The following ANHX variants were observed in gnomAD, a reference collection of about 807,000 sequenced individuals.
ANHX encodes the protein anomalous homeobox protein.
ANHX carries 20 observed loss-of-function variants against 38.9 expected under a neutral mutation model. The observed-to-expected ratio is 0.51, with a 90% CI of 0.36 to 0.75. The LOEUF (loss-of-function observed/expected upper bound fraction) is 0.75. Among genes scored for constraint, ANHX ranks in the 30% least tolerant of loss-of-function variants. The pLI is 0.00. For synonymous variants in ANHX, 185 were observed against 203.1 expected, an observed-to-expected ratio of 0.91 and a Z score of 0.76; for missense variants, 475 against 493.1, an observed-to-expected ratio of 0.96 and a Z score of 0.35.
rs370193365 is a variant in ANHX at position 133,232,303 on chromosome 12, C to T, written c.250-659G>A. 9.0e-4 allele frequency among the ~76,000 whole-genome samples: 137 copies of T among 152,356 alleles called. 1 individual carries two copies. The highest frequency in any genetic ancestry group is 3.1e-3 in the African/African-American group (128 of 41,572). On this transcript the variant is annotated intron_variant, in intron 2 of 9. Transcript: ENST00000545940. Reference sequence around the variant, plus strand: ...TCCCGTGACTCCTGTGTGGCTCCCACCATTTCCTTAATTCCAATCATCTGC... The same window carrying T: ...TCCCGTGACTCCTGTGTGGCTCCCATCATTTCCTTAATTCCAATCATCTGC...
chr12:133,224,605 G>A (rs1259930491), intron 7 of ANHX, among the ~76,000 whole-genome samples: 2 of 147,710 alleles, frequency 1.4e-5, no homozygotes, highest in Admixed American at 6.8e-5. Flanking sequence ...AGAGGTTGCA[G>A]TGAGCCGAGA....
rs1458284742 is a variant in ANHX, at chr12:133,218,967, T to G, written c.1370A>C (p.Gln457Pro). Residue 457 changes from glutamine to proline, a missense_variant, in exon 10 of 10, where the codon CAG becomes CCG. Gln to Pro is a moderately conservative substitution (Grantham distance 76). Transcript: ENST00000545940. ...LSQALPSSQV[Q>P]CSDSQASGDA... The stretch of plus-strand genomic sequence containing the variant: ...ACCAGAGGCCTGGCTATCAGAACAC[T>G]GCACCTGGAAGACAACACAGTGGTA... 6.5e-7 allele frequency: 1 copy of G among 1,533,838 alleles called. No individual in the cohort carries two copies. Among genetic ancestry groups the G allele is most frequent in the Admixed American group, 2.0e-5 (1 of 50,838 alleles).
rs951954944 is a variant in ANHX, at chr12:133,234,324, A to G, written c.33T>C (p.His11=). MQSFLTLLKE[H]EDTCAPPAEL... is the part of the protein sequence containing the mutation. ...CCGCCGGGGGTGCACAGGTGTCCTC[A>G]TGCTCCTTCAGCAGAGTCAGGAAGC... The change falls in exon 2 of 10, where the codon CAT becomes CAC. Residue 11 remains histidine, a synonymous_variant. Transcript: ENST00000545940. 2 of 1,535,896 alleles carry G rather than the reference A, an allele frequency of 1.3e-6. No individual in the cohort carries two copies. Among genetic ancestry groups the G allele is most frequent in the African/African-American group, 2.7e-5 (2 of 73,026 alleles).
rs183096532 is a variant in ANHX at position 133,232,246 on chromosome 12, T to G, written c.250-602A>C. Among the ~76,000 whole-genome samples the G allele has an allele frequency of 3.0e-4, 45 of 152,350 alleles. 1 individual carries two copies. Among genetic ancestry groups the G allele is most frequent in the Admixed American group, 2.9e-3 (45 of 15,304 alleles). On this transcript the variant is annotated intron_variant, in intron 2 of 9. Transcript: ENST00000545940. The stretch of plus-strand genomic sequence containing the variant: ...GTACACCCATCCACTTAACTGGACT[T>G]TGCTGATGACGGAGGATGCCTGGTG...
In ANHX at chr12:133,227,629, G is replaced by A. The variant is rs374997708; in HGVS notation, c.501+195C>T. On this transcript the variant is annotated intron_variant, in intron 4 of 9. Coordinates refer to ENST00000545940, the MANE Select transcript of ANHX (RefSeq NM_001372060.1). Reference sequence around the variant, plus strand: ...ACATACACAGATGTTATGACTCCACGTGAGAAAATGAAACCCTTTATGTGG... The same window carrying A: ...ACATACACAGATGTTATGACTCCACATGAGAAAATGAAACCCTTTATGTGG... 1.1e-4 allele frequency among the ~76,000 whole-genome samples: 16 copies of A among 152,340 alleles called. No homozygotes were observed. The East Asian group carries it at 2.1e-3, about 20-fold the overall frequency.
Position 133,231,618 on chromosome 12 carries a change from C to T in ANHX, c.276G>A (p.Gln92=), listed in dbSNP as rs1000137567. ...LEGCQVPGGS[Q]ELVQLWNDIH... ...TGTCGTTCCAGAGCTGCACTAACTC[C>T]TGGCTGCCTCCCGGCACCTGGCACC... Residue 92 remains glutamine, a synonymous_variant, in exon 3 of 10, where the codon CAG becomes CAA. Coordinates refer to ENST00000545940, the MANE Select transcript of ANHX (RefSeq NM_001372060.1). 6 of 1,536,098 alleles carry T rather than the reference C, an allele frequency of 3.9e-6. No individual in the cohort carries two copies. In the African/African-American group the frequency reaches 6.8e-5, roughly 17 times the overall value.
At chr12:133,230,951 A>G (rs138421063) in intron 3 of ANHX, among the ~76,000 whole-genome samples, 1 of 152,294 alleles carries the variant, frequency 6.6e-6, no homozygotes, top group East Asian at 1.9e-4. Flanking sequence ...GATGATAAGG[A>G]CTACCACTTA....
intron 7 of ANHX, among the ~76,000 whole-genome samples, chr12:133,224,395 C>T (rs1231337985): frequency 1.3e-5 from 2 of 152,204 alleles, no homozygotes; most frequent in African/African-American, 4.8e-5. Context: ...GGCATGGTGG[C>T]TCACGCCTGT....
At chr12:133,234,490 CA>C in intron 1 of ANHX, 112 bp from the exon 2 acceptor site, 2 of 1,251,312 alleles carry the variant, frequency 1.6e-6, no homozygotes, top group Non-Finnish European at 2.2e-6. Context: ...GTGCCGTGGA[CA>C]CTTGTAGAGT....
chr12:133,219,519 G>T (rs1957079934), intron 8 of ANHX, among the ~76,000 whole-genome samples, 152 bp from the exon 9 acceptor site: 1 of 152,350 alleles, frequency 6.6e-6, no homozygotes, highest in Admixed American at 6.5e-5. Context: ...TGTCACGTAT[G>T]TAGGGTGTTA....
chr12:133,219,159 G>T, intron 9 of ANHX, 124 bp downstream of exon 9: 2 of 1,056,200 alleles, frequency 1.9e-6, no homozygotes, highest in Non-Finnish European at 2.8e-6. Context: ...AATCATCTTT[G>T]CCCCTTGTTT....
chr12:133,227,113 C>G lies in ANHX; in HGVS notation c.541G>C (p.Val181Leu), dbSNP rs775987624. 5.9e-6 allele frequency: 9 copies of G among 1,535,994 alleles called. No homozygotes were observed. Among genetic ancestry groups the G allele is most frequent in the Non-Finnish European group, 7.8e-6 (9 of 1,146,804 alleles). ...CGGTAATTGGCAAACCAGTTGTACA[C>G]CTGCTCAGGGGTCAAGCTCGTCTCC... ...ALETSLTPEQ[V>L]YNWFANYRRR... The change falls in exon 5 of 10, where the codon GTG becomes CTG. Residue 181 changes from valine to leucine, a missense_variant. By Grantham distance (32) the Val-to-Leu change is conservative. Coordinates refer to ENST00000545940, the MANE Select transcript of ANHX (RefSeq NM_001372060.1).
At chr12:133,224,666 A>C (rs1176317208) in intron 7 of ANHX, among the ~76,000 whole-genome samples, 934 of 31,832 alleles carry the variant, frequency 0.029, 9 homozygotes, top group Middle Eastern at 0.14. Context: ...CCATCTCAAA[A>C]AAAAAAAAAA....
intron 3 of ANHX, among the ~76,000 whole-genome samples, chr12:133,229,656 A>G (rs1289225085): frequency 6.6e-6 from 1 of 152,098 alleles, no homozygotes; most frequent in Non-Finnish European, 1.5e-5. Context: ...TAGAAACTCC[A>G]GCATCTACTC....
chr12:133,232,949 C>A (rs1377596257), intron 2 of ANHX, among the ~76,000 whole-genome samples: 1 of 150,826 alleles, frequency 6.6e-6, no homozygotes, highest in East Asian at 1.9e-4. Context: ...CAAACAGAGG[C>A]AGGGACAGAA....
intron 2 of ANHX, among the ~76,000 whole-genome samples, chr12:133,232,579 C>G (rs1323315853): frequency 6.6e-6 from 1 of 152,182 alleles, no homozygotes. Context: ...CCTGCACAGG[C>G]TGGGGTTGCC....
In ANHX at chr12:133,226,340, C is replaced by G; in HGVS notation, c.817G>C (p.Val273Leu). 6.5e-7 allele frequency: 1 copy of G among 1,536,258 alleles called. No homozygotes were observed. The highest frequency in any genetic ancestry group is 8.7e-7 in the Non-Finnish European group (1 of 1,146,914). Residue 273 changes from valine (V) to leucine (L), a missense_variant, in exon 6 of 10, where the codon GTC becomes CTC. Coordinates refer to ENST00000545940, the MANE Select transcript of ANHX (RefSeq NM_001372060.1). ...LAPDFPADET[V>L]SKPLDVRSLP... is the part of the protein sequence containing the mutation. The stretch of plus-strand genomic sequence containing the variant: ...TACCTGACATCCAGTGGCTTTGAGA[C>G]TGTCTCATCTGCGGGAAAGTCCGGG...
At chr12:133,228,052 C>T (rs1046188773) in intron 3 of ANHX, 105 bp from the exon 4 acceptor site, 2 of 1,362,442 alleles carry the variant, frequency 1.5e-6, no homozygotes, top group African/African-American at 2.9e-5. Flanking sequence ...TTCCCTGTGC[C>T]TCCTCCTGGG....
chr12:133,231,470 C>T, intron 3 of ANHX, 47 bp downstream of exon 3: 6 of 1,534,582 alleles, frequency 3.9e-6, no homozygotes, highest in Non-Finnish European at 5.2e-6. Flanking sequence ...ACATCTAATC[C>T]CTTGGGATCC....
Sources: gnomAD v4.1 joint callset for allele counts (sites outside exome capture counted in the v4.1 genomes callset) on GRCh38, gnomAD v4.1.1 for gene constraint, MANE v1.5 for transcripts, NCBI Gene and HGNC (gene_info 2026-07-23, HGNC 2026-07-21) for gene names.